Variants in UGT8 observed in about 807,000 individuals in gnomAD.
UGT8 encodes UDP glycosyltransferase 8.
In UGT8, 12 loss-of-function variants were observed where a neutral mutation model predicts 40.5. The observed-to-expected ratio is 0.30, with a 90% confidence interval of 0.19 to 0.48. The LOEUF (loss-of-function observed/expected upper bound fraction) is 0.48. Ranked by LOEUF, UGT8 falls within the 20% of genes least tolerant of loss-of-function variation. The probability of loss-of-function intolerance (pLI) is 0.99; values close to 1 mark genes in which losing one functional copy is unlikely to be tolerated. For synonymous variants in UGT8, 224 were observed against 240.4 expected (o/e 0.93, Z 0.63); for missense variants, 513 against 648.7 (o/e 0.79, Z 2.27).
intron 1 of UGT8, among the ~76,000 whole-genome samples, chr4:114,603,876 T>C (rs191893529): frequency 2.5e-4 from 38 of 152,354 alleles, no homozygotes; most frequent in Non-Finnish European, 3.8e-4. Flanking sequence ...AGGTCCGTAG[T>C]CATTTTTGCT....
At chr4:114,600,111 C>T (rs1407012288) in intron 1 of UGT8, among the ~76,000 whole-genome samples, 1 of 152,090 alleles carries the variant, frequency 6.6e-6, no homozygotes, top group Non-Finnish European at 1.5e-5. Context: ...GCTAACTAGG[C>T]GTTCTTAGCA....
At chr4:114,633,048 A>G (rs1460474149) in intron 2 of UGT8, among the ~76,000 whole-genome samples, 3 of 152,290 alleles carry the variant, frequency 2.0e-5, no homozygotes, top group Non-Finnish European at 2.9e-5. Flanking sequence ...TTTTCACTAC[A>G]AAGTCCTCTT....
intron 1 of UGT8, among the ~76,000 whole-genome samples, chr4:114,619,972 TAAC>T (rs1323187826): frequency 1.3e-5 from 2 of 151,398 alleles, no homozygotes; most frequent in Non-Finnish European, 2.9e-5. Flanking sequence ...GCTATTATAA[TAAC>T]ATAATTATAT....
chr4:114,638,069 CAT>C (rs1483555971), intron 2 of UGT8, among the ~76,000 whole-genome samples: 3 of 152,266 alleles, frequency 2.0e-5, no homozygotes, highest in East Asian at 1.9e-4. Flanking sequence ...TTTAGAATGA[CAT>C]GTGGTGCTTG....
rs559858505 is a variant in UGT8, at chr4:114,670,213, C to T, written c.1262+1909C>T. Among the ~76,000 whole-genome samples, 15 of 151,692 alleles carry T rather than the reference C, an allele frequency of 9.9e-5. No homozygotes were observed. The South Asian group carries it at 3.1e-3, about 32-fold the overall frequency. ...CCAGCAGCATGAGGCGGGTGGATCA[C>T]AAGGTCAGGAGATCGAGACCATCCT... On this transcript the variant is annotated intron_variant, in intron 5 of 5. Coordinates refer to ENST00000310836, the MANE Select transcript of UGT8 (RefSeq NM_001128174.3).
At chr4:114,670,674 A>G (rs898534326) in intron 5 of UGT8, among the ~76,000 whole-genome samples, 1 of 152,150 alleles carries the variant, frequency 6.6e-6, no homozygotes, top group Non-Finnish European at 1.5e-5. Context: ...TCAAAACAAT[A>G]AGAGGTATTT....
chr4:114,611,301 A>G (rs1731020053), intron 1 of UGT8, among the ~76,000 whole-genome samples: 1 of 151,170 alleles, frequency 6.6e-6, no homozygotes, highest in South Asian at 2.1e-4. Context: ...TGTTTATCAC[A>G]TGCTGCAGAT....
intron 2 of UGT8, among the ~76,000 whole-genome samples, chr4:114,631,314 T>G (rs1278312950): frequency 6.6e-6 from 1 of 152,122 alleles, no homozygotes; most frequent in East Asian, 1.9e-4. Context: ...TAACCCCATC[T>G]CTACTAAAAA....
At chr4:114,671,212 G>A (rs894533607) in intron 5 of UGT8, among the ~76,000 whole-genome samples, 2 of 152,148 alleles carry the variant, frequency 1.3e-5, no homozygotes, top group African/African-American at 2.4e-5. Flanking sequence ...AATGAATATT[G>A]TGAAAATGGC....
At chr4:114,616,812 A>G (rs1731471112) in intron 1 of UGT8, among the ~76,000 whole-genome samples, 1 of 152,216 alleles carries the variant, frequency 6.6e-6, no homozygotes, top group South Asian at 2.1e-4. Context: ...CAGGGGATTT[A>G]TAAAATTCTA....
At position 114,606,177 on chromosome 4, in the gene UGT8, A is replaced by G. The variant is rs559532072; in HGVS notation, c.-3+7203A>G. 6.0e-4 allele frequency among the ~76,000 whole-genome samples: 91 copies of G among 152,320 alleles called. 1 individual carries two copies. The highest frequency in any genetic ancestry group is 2.1e-3 in the African/African-American group (89 of 41,570). ...CTGTTGGAATTTTTTAAACTTCTAC[A>G]CTTAAGTCTTAATCTGATTCTCCCT... is the stretch of plus-strand genomic sequence containing the variant. On this transcript the variant is annotated intron_variant, in intron 1 of 5. Coordinates refer to ENST00000310836, the MANE Select transcript of UGT8 (RefSeq NM_001128174.3).
intron 2 of UGT8, among the ~76,000 whole-genome samples, chr4:114,653,404 C>G (rs540956940): frequency 2.0e-5 from 3 of 152,118 alleles, no homozygotes; most frequent in African/African-American, 7.2e-5. Context: ...CTGGAAGGAT[C>G]TATTTGAGTG....
At chr4:114,646,468 T>C (rs1032917445) in intron 2 of UGT8, among the ~76,000 whole-genome samples, 1 of 152,098 alleles carries the variant, frequency 6.6e-6, no homozygotes, top group Non-Finnish European at 1.5e-5. Flanking sequence ...ATCATTATGA[T>C]AATAATCATC....
At chr4:114,613,885 G>T (rs1731233252) in intron 1 of UGT8, among the ~76,000 whole-genome samples, 4 of 152,110 alleles carry the variant, frequency 2.6e-5, no homozygotes, top group Admixed American at 2.6e-4. Flanking sequence ...ACTTCATTAG[G>T]TGATTATATC....
chr4:114,611,403 C>CAT (rs60533468), intron 1 of UGT8, among the ~76,000 whole-genome samples: 3,405 of 103,604 alleles, frequency 0.033, 58 homozygotes, highest in Non-Finnish European at 0.037. Flanking sequence ...CATATATATC[C>CAT]ATATATATAT....
chr4:114,664,550 G>A (rs899575990), intron 3 of UGT8, among the ~76,000 whole-genome samples: 6 of 152,156 alleles, frequency 3.9e-5, no homozygotes, highest in Non-Finnish European at 5.9e-5. Flanking sequence ...CTAAAATACC[G>A]TGGACTCTTT....
rs1240324900 is a variant in UGT8 at position 114,676,626 on chromosome 4, AATGTGTGTGTGTGT to A, written c.*353_*366del. On this transcript the variant is annotated 3_prime_UTR_variant, in exon 6 of 6. Coordinates refer to ENST00000310836, the MANE Select transcript of UGT8 (RefSeq NM_001128174.3). Reference sequence around the variant, plus strand: ...CAGGAATGGTTTCATTTTTCTTAATAATGTGTGTGTGTGTATGTGTGTGTGTGTGTGTGTGTGTT... The same window carrying A: ...CAGGAATGGTTTCATTTTTCTTAATAATGTGTGTGTGTGTGTGTGTGTGTT... 1.8e-5 allele frequency: 4 copies of A among 228,500 alleles called. No individual in the cohort carries two copies. Among genetic ancestry groups the A allele is most frequent in the Non-Finnish European group, 2.6e-5 (3 of 116,726 alleles). 14.2% of individuals were successfully genotyped at this position (228,500 alleles called of 1,614,324 possible). A position where few individuals can be genotyped will look rare whatever the true frequency, so the allele number is the denominator to read the frequency against.
chr4:114,672,518 GA>G (rs1439015239), intron 5 of UGT8, among the ~76,000 whole-genome samples: 1 of 152,166 alleles, frequency 6.6e-6, no homozygotes, highest in African/African-American at 2.4e-5. Context: ...GCTTTCCAGG[GA>G]CATGGATGAA....
chr4:114,638,841 T>C (rs1427766384), intron 2 of UGT8, among the ~76,000 whole-genome samples: 1 of 152,208 alleles, frequency 6.6e-6, no homozygotes, highest in East Asian at 1.9e-4. Context: ...GACTGGTATT[T>C]TTACATATCT....
Sources: allele counts gnomAD v4.1 joint callset (sites outside exome capture counted in the v4.1 genomes callset), GRCh38; gene constraint gnomAD v4.1.1; transcripts MANE v1.5; gene names NCBI Gene and HGNC (gene_info 2026-07-23, HGNC 2026-07-21).